The following ANKS1B variants were observed in gnomAD, a reference collection of about 807,000 sequenced individuals.
The protein encoded by ANKS1B is ankyrin repeat and sterile alpha motif domain-containing protein 1B.
In ANKS1B, 36 loss-of-function variants were observed where a neutral mutation model predicts 148.3. That is an observed-to-expected ratio of 0.24 (90% CI 0.19 to 0.32). The LOEUF (loss-of-function observed/expected upper bound fraction) is 0.32, where lower values mean the gene tolerates loss of function less well. Among genes scored for constraint, ANKS1B ranks in the 10% least tolerant of loss-of-function variants. The probability of loss-of-function intolerance (pLI) is 1.00; values close to 1 mark genes in which losing one functional copy is unlikely to be tolerated. For synonymous variants in ANKS1B, 542 were observed against 560.8 expected (o/e 0.97, Z 0.47); for missense variants, 1,157 against 1,542.6 (o/e 0.75, Z 4.19).
intron 12 of ANKS1B, among the ~76,000 whole-genome samples, chr12:99,362,196 G>T (rs893817534): frequency 2.6e-5 from 4 of 151,898 alleles, no homozygotes; most frequent in Admixed American, 2.6e-4. Context: ...TATAACCTTA[G>T]CAATTTTATC....
intron 17 of ANKS1B, among the ~76,000 whole-genome samples, chr12:99,020,067 C>G (rs1390213311): frequency 2.9e-5 from 4 of 137,114 alleles, no homozygotes; most frequent in Non-Finnish European, 6.2e-5. Flanking sequence ...ATTTCTCCAT[C>G]TTTCTTTTTT....
intron 9 of ANKS1B, among the ~76,000 whole-genome samples, chr12:99,570,719 GT>G (rs1395504765): frequency 6.6e-6 from 1 of 151,488 alleles, no homozygotes; most frequent in Non-Finnish European, 1.5e-5. Context: ...TGGGTGACTG[GT>G]ATTATACTAT....
At chr12:99,109,591 G>A (rs984446761) in intron 15 of ANKS1B, among the ~76,000 whole-genome samples, 14 of 151,954 alleles carry the variant, frequency 9.2e-5, no homozygotes, top group Non-Finnish European at 1.3e-4. Context: ...TGCCTACTTC[G>A]CAGGGTTCAA....
chr12:99,219,602 T>A (rs2084770950), intron 14 of ANKS1B, among the ~76,000 whole-genome samples: 2 of 152,152 alleles, frequency 1.3e-5, no homozygotes, highest in Admixed American at 1.3e-4. Context: ...AGTCAAAGGT[T>A]ACAGGCTTTT....
At chr12:98,921,077 T>C (rs958611681) in intron 17 of ANKS1B, among the ~76,000 whole-genome samples, 5 of 152,208 alleles carry the variant, frequency 3.3e-5, no homozygotes, top group African/African-American at 1.2e-4. Flanking sequence ...ATTAAAAGTA[T>C]GTCTTTCTTC....
rs1006238221 is a variant in ANKS1B at position 99,894,543 on chromosome 12, C to T, written c.135-69154G>A. ...AAAAAAAAAAAAACAAGGTACAAAT[C>T]GTGCTTGATTTACCATGGTTCAACT... On this transcript the variant is annotated intron_variant, in intron 1 of 26. Coordinates refer to ENST00000683438, the MANE Select transcript of ANKS1B (RefSeq NM_001352186.2). Among the ~76,000 whole-genome samples the T allele has an allele frequency of 2.7e-5, 4 of 147,444 alleles. No individual in the cohort carries two copies. In the South Asian group the frequency reaches 8.5e-4, roughly 31 times the overall value.
intron 22 of ANKS1B, chr12:98,794,391 TCA>T: frequency 3.4e-4 from 39 of 113,230 alleles, no homozygotes; most frequent in South Asian, 6.6e-4. Flanking sequence ...AAACTCTGTC[TCA>T]AAAAAAAAAA....
intron 1 of ANKS1B, among the ~76,000 whole-genome samples, chr12:99,905,613 T>C (rs2093750876): frequency 6.6e-6 from 1 of 152,204 alleles, no homozygotes; most frequent in African/African-American, 2.4e-5. Flanking sequence ...AGAAATTTGT[T>C]TTCTCACAAT....
chr12:99,822,931 C>T (rs957187224), intron 2 of ANKS1B, among the ~76,000 whole-genome samples: 1 of 152,090 alleles, frequency 6.6e-6, no homozygotes, highest in Non-Finnish European at 1.5e-5. Flanking sequence ...ACTCTCTTCA[C>T]TCTATAAAAG....
chr12:99,122,712 A>T (rs2063194001), intron 15 of ANKS1B, among the ~76,000 whole-genome samples: 1 of 152,138 alleles, frequency 6.6e-6, no homozygotes, highest in African/African-American at 2.4e-5. Context: ...TGCTATAACA[A>T]CCAGCAGTCC....
chr12:99,026,192 T>A (rs1379565832), intron 17 of ANKS1B, among the ~76,000 whole-genome samples: 1 of 152,214 alleles, frequency 6.6e-6, no homozygotes, highest in Admixed American at 6.5e-5. Context: ...AAATTTTTCA[T>A]TTTGGAGCTT....
chr12:99,835,441 G>A, intron 1 of ANKS1B, among the ~76,000 whole-genome samples: 1 of 151,164 alleles, frequency 6.6e-6, no homozygotes. Flanking sequence ...AAAATAAAAA[G>A]AAAAAAATAT....
intron 20 of ANKS1B, among the ~76,000 whole-genome samples, chr12:98,804,703 C>G (rs2099036070): frequency 6.6e-6 from 1 of 151,940 alleles, no homozygotes; most frequent in African/African-American, 2.4e-5. Flanking sequence ...GGAGGAATTA[C>G]GTAGAGTAGT....
At chr12:99,272,424 C>T (rs1281305954) in intron 12 of ANKS1B, among the ~76,000 whole-genome samples, 2 of 152,128 alleles carry the variant, frequency 1.3e-5, no homozygotes, top group African/African-American at 4.8e-5. Flanking sequence ...CCTGCTTAGA[C>T]AATAATTGCT....
At chr12:98,817,484 G>A (rs2099150874) in intron 19 of ANKS1B, among the ~76,000 whole-genome samples, 1 of 152,214 alleles carries the variant, frequency 6.6e-6, no homozygotes, top group Admixed American at 6.5e-5. Context: ...TTTGTTTCTT[G>A]TGAGTTACCC....
chr12:98,891,923 C>A (rs2099753618), intron 17 of ANKS1B, among the ~76,000 whole-genome samples: 1 of 152,148 alleles, frequency 6.6e-6, no homozygotes, highest in South Asian at 2.1e-4. Context: ...TGATTACTAG[C>A]ACTTGTAAAT....
rs2094352408 is a variant in ANKS1B, at chr12:99,399,811, G to C, written c.1576C>G (p.Pro526Ala). ...GACACAATGGATGTTCGCTGTTTAGGCTAAAATAAATGAGCATGACGAGAG... is the reference window on the plus strand; with the variant it reads ...GACACAATGGATGTTCGCTGTTTAGCCTAAAATAAATGAGCATGACGAGAG... ...KNIVKVIRPQ[P>A]KQRTSIVSSL... Residue 526 changes from proline (P) to alanine (A), a missense_variant and splice_region_variant, in exon 12 of 27, where the codon CCT (proline) becomes GCT (alanine). By Grantham distance (27) the Pro-to-Ala change is conservative. Coordinates refer to ENST00000683438, the MANE Select transcript of ANKS1B (RefSeq NM_001352186.2). The C allele has an allele frequency of 6.2e-7, 1 of 1,613,136 alleles. No homozygotes were observed. The highest frequency in any genetic ancestry group is 8.5e-7 in the Non-Finnish European group (1 of 1,179,296).
chr12:98,790,938 G>A (rs567971213), intron 22 of ANKS1B, among the ~76,000 whole-genome samples: 1 of 152,318 alleles, frequency 6.6e-6, no homozygotes, highest in South Asian at 2.1e-4. Context: ...TTATATGGGA[G>A]AAAAGCTAGC....
intron 12 of ANKS1B, among the ~76,000 whole-genome samples, chr12:99,387,598 A>C (rs953477821): frequency 8.6e-5 from 13 of 150,752 alleles, no homozygotes; most frequent in Non-Finnish European, 1.8e-4. Context: ...TCTGTCTCAA[A>C]AAAAAAAGAA....
Sources: gnomAD v4.1 joint callset for allele counts (sites outside exome capture counted in the v4.1 genomes callset) on GRCh38, gnomAD v4.1.1 for gene constraint, MANE v1.5 for transcripts, NCBI Gene and HGNC (gene_info 2026-07-23, HGNC 2026-07-21) for gene names.